Variants in TLN2 observed in about 807,000 individuals in gnomAD.
The protein encoded by TLN2 is talin-2.
A neutral mutation model predicts 294.7 loss-of-function variants in TLN2; 118 were observed. The ratio of observed to expected loss-of-function variants is 0.40; its 90% CI spans 0.34 to 0.47. The LOEUF (loss-of-function observed/expected upper bound fraction) is 0.47. TLN2 is among the 20% of genes least tolerant of loss of function. The probability of loss-of-function intolerance (pLI) is 0.84; values close to 1 mark genes in which losing one functional copy is unlikely to be tolerated. For missense variants in TLN2, 3,083 were observed against 3,282.2 expected (o/e 0.94, Z 1.48); for synonymous variants, 1,431 against 1,304.5 (o/e 1.10, Z -2.09).
chr15:62,501,417 C>G (rs1444300439), intron 1 of TLN2, among the ~76,000 whole-genome samples: 1 of 152,156 alleles, frequency 6.6e-6, no homozygotes, highest in African/African-American at 2.4e-5. Flanking sequence ...CAATTTCATC[C>G]TTGATAGACT....
chr15:62,459,974 A>G (rs975760616), intron 1 of TLN2, among the ~76,000 whole-genome samples: 17 of 152,322 alleles, frequency 1.1e-4, no homozygotes, highest in African/African-American at 3.4e-4. Context: ...GCAGCGGGTG[A>G]CCCACGATTG....
chr15:62,437,939 T>A (rs2035371300), intron 1 of TLN2, among the ~76,000 whole-genome samples: 1 of 152,220 alleles, frequency 6.6e-6, no homozygotes, highest in South Asian at 2.1e-4. Flanking sequence ...TACAGACTTC[T>A]GGGTGTAGGA....
At chr15:62,827,135 T>G (rs926923228) in intron 54 of TLN2, among the ~76,000 whole-genome samples, 1 of 152,164 alleles carries the variant, frequency 6.6e-6, no homozygotes. Flanking sequence ...TTATGCTCCT[T>G]CACCTTCAAG....
intron 17 of TLN2, 127 bp from the exon 18 acceptor site, chr15:62,701,865 C>T (rs2141099308): frequency 1.9e-6 from 2 of 1,072,078 alleles, no homozygotes; most frequent in African/African-American, 1.6e-5. Context: ...TCACTGTGCT[C>T]ATGTGAAGCT....
chr15:62,817,881 C>G (rs1170202818), intron 52 of TLN2, among the ~76,000 whole-genome samples: 1 of 137,402 alleles, frequency 7.3e-6, no homozygotes, highest in African/African-American at 2.8e-5. Flanking sequence ...TGCAATGGTG[C>G]AATCTTGGCT....
At chr15:62,416,340 C>T (rs2034081995) in intron 1 of TLN2, among the ~76,000 whole-genome samples, 1 of 152,150 alleles carries the variant, frequency 6.6e-6, no homozygotes, top group Non-Finnish European at 1.5e-5. Context: ...CAAAATCCCT[C>T]TTCAGTCCAG....
At chr15:62,722,734 T>C (rs2060221014) in intron 26 of TLN2, among the ~76,000 whole-genome samples, 1 of 152,218 alleles carries the variant, frequency 6.6e-6, no homozygotes, top group Non-Finnish European at 1.5e-5. Context: ...TACTTCCTCC[T>C]CCTCCTCCTC....
At chr15:62,821,468 A>G (rs531952311) in intron 54 of TLN2, among the ~76,000 whole-genome samples, 43 of 152,258 alleles carry the variant, frequency 2.8e-4, no homozygotes, top group Admixed American at 8.5e-4. Flanking sequence ...GTATACCTAA[A>G]AATTTACCTA....
In TLN2 at chr15:62,843,629, C is replaced by T. The variant is rs2070922977; in HGVS notation, c.*3019C>T. The T allele has an allele frequency of 6.6e-6, 1 of 152,304 alleles. No individual in the cohort carries two copies. Among genetic ancestry groups the T allele is most frequent in the South Asian group, 2.1e-4 (1 of 4,832 alleles). 9.4% of individuals were successfully genotyped at this position (152,304 alleles called of 1,614,324 possible). ...AACCCTTCGAGCTTCTTCTGATTCT[C>T]ACCTGCTTGCTTTCTGGCTGTCTTA... On this transcript the variant is annotated 3_prime_UTR_variant, in exon 59 of 59. Transcript: ENST00000636159.
In TLN2 at chr15:62,812,140, C is replaced by T. The variant is rs115062825; in HGVS notation, c.6771+2108C>T. The stretch of plus-strand genomic sequence containing the variant: ...CTTGCAGCAGCAGTGGCCTCTGCCT[C>T]CTAAATGGGAGCTCTCCCCCTATGC... On this transcript the variant is annotated intron_variant, in intron 52 of 58. Coordinates refer to ENST00000636159, the MANE Select transcript of TLN2 (RefSeq NM_015059.3). 1.4e-3 allele frequency among the ~76,000 whole-genome samples: 219 copies of T among 152,214 alleles called. 1 individual carries two copies. Among genetic ancestry groups the T allele is most frequent in the African/African-American group, 5.2e-3 (218 of 41,548 alleles).
chr15:62,526,939 T>G (rs2040769889), intron 1 of TLN2, among the ~76,000 whole-genome samples: 1 of 152,226 alleles, frequency 6.6e-6, no homozygotes, highest in Admixed American at 6.5e-5. Flanking sequence ...TGTGTGCACA[T>G]GTACCAATCT....
intron 1 of TLN2, among the ~76,000 whole-genome samples, chr15:62,483,380 A>G (rs1595906175): frequency 6.6e-6 from 1 of 152,190 alleles, no homozygotes; most frequent in Non-Finnish European, 1.5e-5. Flanking sequence ...TGCCTGGCCC[A>G]TTCCTGTACC....
At chr15:62,709,393 C>G (rs1438279057) in intron 21 of TLN2, among the ~76,000 whole-genome samples, 1 of 152,092 alleles carries the variant, frequency 6.6e-6, no homozygotes, top group Admixed American at 6.5e-5. Flanking sequence ...TGGGGTGATC[C>G]ACGCAGAGGA....
At chr15:62,688,938 AT>A (rs923954738) in intron 12 of TLN2, among the ~76,000 whole-genome samples, 6 of 151,856 alleles carry the variant, frequency 4.0e-5, no homozygotes, top group Admixed American at 6.6e-5. Flanking sequence ...GTTGGGTTAT[AT>A]TTTTTTAATC....
At chr15:62,593,147 G>T (rs920832832) in intron 2 of TLN2, among the ~76,000 whole-genome samples, 1 of 152,170 alleles carries the variant, frequency 6.6e-6, no homozygotes, top group African/African-American at 2.4e-5. Context: ...GGGCTATGAC[G>T]TCAGTGAAGA....
intron 12 of TLN2, among the ~76,000 whole-genome samples, chr15:62,687,216 C>T (rs1358597299): frequency 6.6e-6 from 1 of 152,170 alleles, no homozygotes; most frequent in Non-Finnish European, 1.5e-5. Context: ...TTTTCCCAGC[C>T]TGCCTAGAAA....
intron 1 of TLN2, among the ~76,000 whole-genome samples, chr15:62,572,810 T>G (rs1306508191): frequency 6.6e-6 from 1 of 151,452 alleles, no homozygotes; most frequent in Non-Finnish European, 1.5e-5. Context: ...AGGCAGGATC[T>G]GTGGGCACCT....
At chr15:62,692,409 C>T (rs911695306) in intron 12 of TLN2, among the ~76,000 whole-genome samples, 1 of 152,216 alleles carries the variant, frequency 6.6e-6, no homozygotes, top group Non-Finnish European at 1.5e-5. Flanking sequence ...CTGTGAATAT[C>T]AGCCCAGGTT....
intron 1 of TLN2, among the ~76,000 whole-genome samples, chr15:62,449,591 A>G (rs2035989377): frequency 6.6e-6 from 1 of 152,100 alleles, no homozygotes; most frequent in Non-Finnish European, 1.5e-5. Context: ...AGGCCGAGAC[A>G]GGAGGGTTGC....
Sources: allele counts gnomAD v4.1 joint callset (sites outside exome capture counted in the v4.1 genomes callset), GRCh38; gene constraint gnomAD v4.1.1; transcripts MANE v1.5; gene names NCBI Gene and HGNC (gene_info 2026-07-23, HGNC 2026-07-21).